ZBTB46: variants seen among roughly 807,000 people sequenced by gnomAD.
The protein encoded by ZBTB46 is zinc finger and BTB domain containing 46.
ZBTB46 carries 8 observed loss-of-function variants against 44.1 expected under a neutral mutation model. The ratio of observed to expected loss-of-function variants is 0.18; its 90% CI spans 0.11 to 0.33. The LOEUF (loss-of-function observed/expected upper bound fraction) is 0.33. ZBTB46 is among the 10% of genes least tolerant of loss of function. The pLI, the probability that ZBTB46 is intolerant of heterozygous loss-of-function variation, is 1.00. For synonymous variants in ZBTB46, 409 were observed against 382.3 expected (o/e 1.07, Z -0.81); for missense variants, 651 against 847.7 (o/e 0.77, Z 2.88).
intron 1 of ZBTB46, among the ~76,000 whole-genome samples, chr20:63,818,871 CA>C (rs141702422): frequency 0.41 from 33,095 of 79,872 alleles, 4,504 homozygotes; most frequent in Middle Eastern, 0.53. Flanking sequence ...AACTCCAGCT[CA>C]AAAAAAAAAA....
intron 3 of ZBTB46, among the ~76,000 whole-genome samples, chr20:63,754,543 G>T (rs925376144): frequency 1.3e-5 from 2 of 151,892 alleles, no homozygotes; most frequent in African/African-American, 4.8e-5. Flanking sequence ...CGATCCTCCC[G>T]CCTTGGCCTC....
intron 3 of ZBTB46, among the ~76,000 whole-genome samples, chr20:63,760,200 T>G (rs2092261068): frequency 6.6e-6 from 1 of 152,232 alleles, no homozygotes; most frequent in South Asian, 2.1e-4. Flanking sequence ...CGTCATTTTC[T>G]TCCGTTAAAA....
rs944170596 is a variant in ZBTB46 at position 63,804,094 on chromosome 20, C to T, written c.-33-13304G>A. On this transcript the variant is annotated intron_variant, in intron 1 of 4. Transcript: ENST00000245663. ...CTGCCCTGCGCTGTCCCATCTCAGC[C>T]CCAGCCACCAGGGTCTCGGTGGGCT... Among the ~76,000 whole-genome samples the T allele has an allele frequency of 3.3e-5, 5 of 152,160 alleles. No individual in the cohort carries two copies. In the South Asian group the frequency reaches 1.0e-3, roughly 32 times the overall value.
Position 63,767,492 on chromosome 20 carries a change from CGGCTGTTCG to C in ZBTB46, c.1222+8177_1222+8185del, listed in dbSNP as rs2092330276. Among the ~76,000 whole-genome samples, 1 of 152,194 alleles carries C rather than the reference CGGCTGTTCG, an allele frequency of 6.6e-6. No homozygotes were observed. The highest frequency in any genetic ancestry group is 1.5e-5 in the Non-Finnish European group (1 of 68,036). On this transcript the variant is annotated intron_variant, in intron 3 of 4. Transcript: ENST00000245663. The surrounding 1 kb of genome is among the most constrained non-coding windows in gnomAD (Gnocchi z 5.0). ...TCTCCGCAGATATCCCCCTCCGACG[CGGCTGTTCG>C]GTCACCCAGTTCCCCTCCTGCTCCC...
At chr20:63,765,156 G>T (rs796251168) in intron 3 of ZBTB46, among the ~76,000 whole-genome samples, 2 of 151,966 alleles carry the variant, frequency 1.3e-5, no homozygotes, top group African/African-American at 4.8e-5. Context: ...GCTTGGGGTG[G>T]GGGGCAGTTG....
intron 1 of ZBTB46, among the ~76,000 whole-genome samples, chr20:63,813,788 G>A (rs933217553): frequency 6.6e-6 from 1 of 152,234 alleles, no homozygotes; most frequent in African/African-American, 2.4e-5. Flanking sequence ...TAAAGCCACA[G>A]TGAAAATGTG....
intron 2 of ZBTB46, chr20:63,788,052 T>G (rs1254545559): frequency 6.6e-6 from 1 of 152,320 alleles, no homozygotes. Flanking sequence ...CCACGTTCAT[T>G]TCCAGGCTTC....
chr20:63,796,828 A>T (rs1466780552), intron 1 of ZBTB46, among the ~76,000 whole-genome samples: 1 of 152,084 alleles, frequency 6.6e-6, no homozygotes, highest in Non-Finnish European at 1.5e-5. Context: ...TCCATCTCAA[A>T]AAAATAAAAT....
chr20:63,788,492 T>C (rs1348847844), intron 2 of ZBTB46, among the ~76,000 whole-genome samples: 1 of 152,142 alleles, frequency 6.6e-6, no homozygotes, highest in African/African-American at 2.4e-5. Context: ...CAGAGCCCCT[T>C]TGCAGTGAGT....
rs2092661411 is a variant in ZBTB46, at chr20:63,803,367, A to T, written c.-33-12577T>A. The stretch of plus-strand genomic sequence containing the variant: ...TTCGTGGTCGCATTTCAAAATTTTT[A>T]AGTGAGCTCCTGACTAGAAAACACT... On this transcript the variant is annotated intron_variant, in intron 1 of 4. Transcript: ENST00000245663. The surrounding 1 kb of genome is among the most constrained non-coding windows in gnomAD (Gnocchi z 4.0). 2.0e-6 allele frequency: 2 copies of T among 985,470 alleles called. No individual in the cohort carries two copies. Among genetic ancestry groups the T allele is most frequent in the Non-Finnish European group, 2.4e-6 (2 of 829,944 alleles). 61.0% of individuals were successfully genotyped at this position (985,470 alleles called of 1,614,324 possible).
At chr20:63,801,369 C>T (rs781527389) in intron 1 of ZBTB46, among the ~76,000 whole-genome samples, 6 of 152,162 alleles carry the variant, frequency 3.9e-5, no homozygotes, top group Admixed American at 6.5e-5. Flanking sequence ...ATTGTCAACG[C>T]ACCAATCAGC....
At chr20:63,765,108 TGTGTGTGTGTGC>T (rs2092309695) in intron 3 of ZBTB46, among the ~76,000 whole-genome samples, 1 of 149,990 alleles carries the variant, frequency 6.7e-6, no homozygotes, top group African/African-American at 2.5e-5. Context: ...TGTGTGGTTG[TGTGTGTGTGTGC>T]GTGTGTGTGT....
intron 3 of ZBTB46, among the ~76,000 whole-genome samples, chr20:63,765,378 C>T (rs866343174): frequency 6.6e-6 from 1 of 152,200 alleles, no homozygotes; most frequent in Non-Finnish European, 1.5e-5. Flanking sequence ...TCTCAAGGAT[C>T]ACAGCGTTGT....
chr20:63,775,874 C>G lies in ZBTB46; in HGVS notation c.1026G>C (p.Leu342=), dbSNP rs1366216150. The stretch of plus-strand genomic sequence containing the variant: ...GGCCCAGATAGCTGGCTTCTCCTCC[C>G]AGGAGACCCTCCTCCACCTGTGCAT... ...ELYAQVEEGL[L]GGEASYLGPP... The change falls in exon 3 of 5, where the codon CTG becomes CTC. Residue 342 remains leucine, a synonymous_variant. Coordinates refer to ENST00000245663, the MANE Select transcript of ZBTB46 (RefSeq NM_001369741.1). 1.2e-6 allele frequency: 2 copies of G among 1,612,766 alleles called. No individual in the cohort carries two copies. Among genetic ancestry groups the G allele is most frequent in the African/African-American group, 2.7e-5 (2 of 74,946 alleles).
intron 1 of ZBTB46, among the ~76,000 whole-genome samples, chr20:63,798,694 T>G (rs1474159680): frequency 4.3e-4 from 3 of 6,922 alleles, no homozygotes; most frequent in Non-Finnish European, 7.1e-4. Flanking sequence ...AAAAAAAAAA[T>G]TAGCTGGGCA....
intron 3 of ZBTB46, among the ~76,000 whole-genome samples, chr20:63,762,653 A>AAAAT (rs1568839064): frequency 1.3e-5 from 2 of 149,972 alleles, no homozygotes; most frequent in Non-Finnish European, 3.0e-5. Flanking sequence ...CTTCTCTCAA[A>AAAAT]AAACAAACAA....
At chr20:63,774,797 G>A (rs1415951457) in intron 3 of ZBTB46, among the ~76,000 whole-genome samples, 2 of 149,212 alleles carry the variant, frequency 1.3e-5, no homozygotes, top group Non-Finnish European at 3.0e-5. Flanking sequence ...TCTGCCTGCC[G>A]GGTTCACGCC....
intron 1 of ZBTB46, among the ~76,000 whole-genome samples, chr20:63,798,905 C>T (rs2092623620): frequency 6.6e-6 from 1 of 151,800 alleles, no homozygotes; most frequent in Admixed American, 6.6e-5. Flanking sequence ...AGCAAGATAC[C>T]CTTGGCTCTA....
chr20:63,796,412 A>G (rs555692998), intron 1 of ZBTB46, among the ~76,000 whole-genome samples: 1 of 152,382 alleles, frequency 6.6e-6, no homozygotes, highest in African/African-American at 2.4e-5. Context: ...TCAGCGGGCA[A>G]GAACGACCCT....
Sources: allele counts gnomAD v4.1 joint callset (sites outside exome capture counted in the v4.1 genomes callset), GRCh38; gene constraint gnomAD v4.1.1; non-coding constraint Gnocchi (gnomAD v3.1); transcripts MANE v1.5; gene names NCBI Gene and HGNC (gene_info 2026-07-23, HGNC 2026-07-21).